Variants in TNS3 observed in about 807,000 individuals in gnomAD.
TNS3 encodes the protein tensin 3, also known as tensin-3.
A neutral mutation model predicts 140.9 loss-of-function variants in TNS3; 45 were observed. The observed-to-expected ratio is 0.32, with a 90% CI of 0.25 to 0.41. The LOEUF is 0.41. TNS3 is among the 10% of genes least tolerant of loss of function. The pLI is 1.00. For synonymous variants in TNS3, 815 were observed against 788.4 expected (o/e 1.03, Z -0.56); for missense variants, 1,716 against 1,906.7 (o/e 0.90, Z 1.86).
At chr7:47,381,364 C>T (rs904456865) in intron 16 of TNS3, among the ~76,000 whole-genome samples, 2 of 152,340 alleles carry the variant, frequency 1.3e-5, no homozygotes, top group African/African-American at 2.4e-5. Context: ...CAGACCTCCA[C>T]GTTCTGTGTT....
chr7:47,307,048 T>C (rs1283038353), intron 20 of TNS3, among the ~76,000 whole-genome samples: 1 of 152,214 alleles, frequency 6.6e-6, no homozygotes, highest in African/African-American at 2.4e-5. Context: ...ATAACTAATA[T>C]ACAAAAAACT....
intron 1 of TNS3, among the ~76,000 whole-genome samples, chr7:47,540,641 AG>A (rs888618813): frequency 6.6e-6 from 1 of 152,168 alleles, no homozygotes; most frequent in Non-Finnish European, 1.5e-5. Context: ...CAGTGTTAGG[AG>A]GGGGCACGGA....
chr7:47,509,290 G>T (rs1330360078), intron 2 of TNS3, among the ~76,000 whole-genome samples: 1 of 152,168 alleles, frequency 6.6e-6, no homozygotes, highest in Non-Finnish European at 1.5e-5. Flanking sequence ...GAGAGGCAGG[G>T]CCATTGTTTC....
At chr7:47,544,577 C>G (rs189394138) in intron 1 of TNS3, among the ~76,000 whole-genome samples, 11 of 152,216 alleles carry the variant, frequency 7.2e-5, no homozygotes, top group Admixed American at 6.5e-4. Flanking sequence ...CAGGAGCCAG[C>G]CCTCACCAGA....
chr7:47,524,808 C>CAAAAAAAAAAA lies in TNS3; in HGVS notation c.-153+4227_-153+4228insTTTTTTTTTTT, dbSNP rs1354544006. On this transcript the variant is annotated intron_variant, in intron 2 of 30. Transcript: ENST00000311160. Reference sequence around the variant, plus strand: ...TGGGCGACAGAGCGAGACTCCGTCTCAAGAAAAAAAAAAAAAAAAAAAAAA... The same window carrying CAAAAAAAAAAA: ...TGGGCGACAGAGCGAGACTCCGTCTCAAAAAAAAAAAAAGAAAAAAAAAAAAAAAAAAAAAA... Among the ~76,000 whole-genome samples the CAAAAAAAAAAA allele has an allele frequency of 1.7e-3, 43 of 25,254 alleles. 17 individuals carry two copies. Among genetic ancestry groups the CAAAAAAAAAAA allele is most frequent in the South Asian group, 8.3e-3 (2 of 240 alleles). 16.6% of individuals were successfully genotyped at this position (25,254 alleles called of 152,430 possible).
chr7:47,485,495 G>A (rs1249258049), intron 3 of TNS3, among the ~76,000 whole-genome samples: 3 of 152,194 alleles, frequency 2.0e-5, no homozygotes, highest in African/African-American at 7.2e-5. Flanking sequence ...CTCTCATAAT[G>A]AGCAGCTCCC....
intron 4 of TNS3, among the ~76,000 whole-genome samples, chr7:47,479,172 C>G (rs1373196731): frequency 3.3e-5 from 5 of 152,198 alleles, no homozygotes. Flanking sequence ...GGGCTCTGGC[C>G]TGTCTGACAG....
chr7:47,303,379 A>G lies in TNS3; in HGVS notation c.3028T>C (p.Ser1010Pro), dbSNP rs1488406448. Reference sequence around the variant, plus strand: ...GCCTGGCTGCTGGGAGGCGCCAGGGAGTCCGGTGGCTCTGCTAGGGACAGC... The same window carrying G: ...GCCTGGCTGCTGGGAGGCGCCAGGGGGTCCGGTGGCTCTGCTAGGGACAGC... The part of the protein sequence containing the change: ...HELSLAEPPD[S>P]LAPPSSQAFL... Residue 1010 changes from serine to proline, a missense_variant, in exon 22 of 31, where the codon TCC becomes CCC. This residue lies in a region of TNS3 where 1,163 missense variants were observed against 1,182.1 expected (regional missense o/e 0.98). Transcript: ENST00000311160. 3 of 1,613,698 alleles carry G rather than the reference A, an allele frequency of 1.9e-6. No homozygotes were observed. Among genetic ancestry groups the G allele is most frequent in the Non-Finnish European group, 2.5e-6 (3 of 1,179,992 alleles).
chr7:47,320,542 C>T (rs577636284), intron 20 of TNS3, among the ~76,000 whole-genome samples: 4 of 152,292 alleles, frequency 2.6e-5, no homozygotes, highest in Admixed American at 6.5e-5. Context: ...TGGTTTCTCC[C>T]GAGGCTTCTC....
intron 18 of TNS3, 119 bp downstream of exon 18, chr7:47,346,068 G>C: frequency 7.6e-7 from 1 of 1,321,544 alleles, no homozygotes; most frequent in South Asian, 1.4e-5. Flanking sequence ...GGTGGGTGCG[G>C]AGGATAATGT....
chr7:47,561,304 G>A (rs1800315221), intron 1 of TNS3, among the ~76,000 whole-genome samples: 2 of 152,130 alleles, frequency 1.3e-5, no homozygotes, highest in Admixed American at 6.5e-5. Context: ...GGCCACCACT[G>A]GGAGTGTTAG....
At chr7:47,392,068 C>G (rs75373570) in intron 16 of TNS3, among the ~76,000 whole-genome samples, 2 of 152,140 alleles carry the variant, frequency 1.3e-5, no homozygotes, top group Non-Finnish European at 2.9e-5. Context: ...CAGGCTCTCT[C>G]GAGGATTAAA....
intron 4 of TNS3, among the ~76,000 whole-genome samples, chr7:47,466,685 G>A (rs1796731654): frequency 6.6e-6 from 1 of 152,142 alleles, no homozygotes; most frequent in African/African-American, 2.4e-5. Flanking sequence ...CCTGCAAGGA[G>A]GCTTACAACC....
chr7:47,494,273 C>G (rs1188241581), intron 3 of TNS3, among the ~76,000 whole-genome samples: 2 of 152,208 alleles, frequency 1.3e-5, no homozygotes, highest in Non-Finnish European at 2.9e-5. Context: ...CTACTTCCTA[C>G]TGACCCCACC....
At chr7:47,326,923 C>G (rs1014242126) in intron 20 of TNS3, among the ~76,000 whole-genome samples, 1 of 152,200 alleles carries the variant, frequency 6.6e-6, no homozygotes, top group African/African-American at 2.4e-5. Flanking sequence ...CTGCAGTGCT[C>G]GTTTCACAAT....
chr7:47,543,892 T>C (rs1350919081), intron 1 of TNS3, among the ~76,000 whole-genome samples: 1 of 152,202 alleles, frequency 6.6e-6, no homozygotes, highest in Non-Finnish European at 1.5e-5. Flanking sequence ...GATGGTGACT[T>C]CTGACATCCT....
chr7:47,545,500 A>C (rs556734951), intron 1 of TNS3, among the ~76,000 whole-genome samples: 8 of 152,280 alleles, frequency 5.3e-5, no homozygotes, highest in African/African-American at 1.7e-4. Context: ...GAAGTTTAAC[A>C]ACCTGCTCAG....
At chr7:47,289,017 G>T (rs1370124212) in intron 27 of TNS3, among the ~76,000 whole-genome samples, 2 of 152,096 alleles carry the variant, frequency 1.3e-5, no homozygotes, top group Admixed American at 6.5e-5. Flanking sequence ...CTTTGTTTTG[G>T]CCACAGATAA....
chr7:47,277,648 G>A lies in TNS3; in HGVS notation c.*428C>T. The A allele has an allele frequency of 3.6e-6, 1 of 274,026 alleles. No individual in the cohort carries two copies. The highest frequency in any genetic ancestry group is 7.1e-6 in the Non-Finnish European group (1 of 140,602). The allele number at this position is 274,026 out of a possible 1,614,324, so 17.0% of individuals were successfully genotyped here. Reference sequence around the variant, plus strand: ...CCCCGGCCTCGGGTGCAGCTGGACAGAAGCGCCCATGCGGACGGGCGAAGC... The same window carrying A: ...CCCCGGCCTCGGGTGCAGCTGGACAAAAGCGCCCATGCGGACGGGCGAAGC... On this transcript the variant is annotated 3_prime_UTR_variant, in exon 31 of 31. Coordinates refer to ENST00000311160, the MANE Select transcript of TNS3 (RefSeq NM_022748.12).
Sources: allele counts gnomAD v4.1 joint callset (sites outside exome capture counted in the v4.1 genomes callset), GRCh38; gene constraint gnomAD v4.1.1; regional missense constraint gnomAD v4.1.1; transcripts MANE v1.5; gene names NCBI Gene and HGNC (gene_info 2026-07-23, HGNC 2026-07-21).